The following ABLIM2 variants were observed in gnomAD, a reference collection of about 807,000 sequenced individuals.
ABLIM2 encodes actin binding LIM protein family member 2, also known as actin-binding LIM protein 2.
A neutral mutation model predicts 97.7 loss-of-function variants in ABLIM2; 53 were observed. The observed-to-expected ratio is 0.54, with a 90% CI of 0.44 to 0.68. The LOEUF (loss-of-function observed/expected upper bound fraction) is 0.68. ABLIM2 is among the 30% of genes least tolerant of loss of function. The pLI is 0.00. For missense variants in ABLIM2, 835 were observed against 867.2 expected (o/e 0.96, Z 0.47); for synonymous variants, 361 against 345.8 (o/e 1.04, Z -0.49).
In ABLIM2 at chr4:8,113,043, C is replaced by T. The variant is rs1471806010; in HGVS notation, c.11-6406G>A. Among the ~76,000 whole-genome samples the T allele has an allele frequency of 6.6e-6, 1 of 152,218 alleles. No homozygotes were observed. The highest frequency in any genetic ancestry group is 1.5e-5 in the Non-Finnish European group (1 of 68,036). Reference sequence around the variant, plus strand: ...CAAACTCCTCTTTCTGTCCAGCGAACCAGCTCTCACGACCCAGACAGCAGA... The same window carrying T: ...CAAACTCCTCTTTCTGTCCAGCGAATCAGCTCTCACGACCCAGACAGCAGA... On this transcript the variant is annotated intron_variant, in intron 1 of 20. Transcript: ENST00000447017. The surrounding 1 kb of genome is among the most constrained non-coding windows in gnomAD (Gnocchi z 4.5).
intron 1 of ABLIM2, among the ~76,000 whole-genome samples, chr4:8,137,311 G>GGT (rs1449149140): frequency 6.6e-5 from 10 of 152,200 alleles, no homozygotes; most frequent in Non-Finnish European, 1.0e-4. Flanking sequence ...GGGAGTCCCT[G>GGT]GTCAAGGAAG....
intron 8 of ABLIM2, among the ~76,000 whole-genome samples, chr4:8,047,307 C>G (rs1459356892): frequency 6.6e-6 from 1 of 152,194 alleles, no homozygotes; most frequent in Non-Finnish European, 1.5e-5. Context: ...CCTCTCCATG[C>G]CCCGTGTCTC....
At chr4:8,100,993 C>T (rs952244979) in intron 2 of ABLIM2, among the ~76,000 whole-genome samples, 6 of 152,190 alleles carry the variant, frequency 3.9e-5, no homozygotes, top group African/African-American at 1.4e-4. Context: ...CATGCCTTCA[C>T]ATTTTAAAGA....
chr4:8,070,552 A>C (rs1270816543), intron 6 of ABLIM2, among the ~76,000 whole-genome samples: 1 of 152,092 alleles, frequency 6.6e-6, no homozygotes. Context: ...TCCTGCCCCA[A>C]GACAGACAGG....
intron 4 of ABLIM2, among the ~76,000 whole-genome samples, chr4:8,081,957 C>T (rs1338268225): frequency 1.3e-5 from 2 of 152,086 alleles, no homozygotes; most frequent in Non-Finnish European, 2.9e-5. Context: ...GTGAGTGTGT[C>T]TACGTATGTG....
chr4:8,141,766 T>A (rs2152946085), intron 1 of ABLIM2, among the ~76,000 whole-genome samples: 1 of 152,334 alleles, frequency 6.6e-6, no homozygotes, highest in East Asian at 1.9e-4. Context: ...AGGGCGCCTG[T>A]GAGTTCTAAG....
At chr4:8,006,163 A>G (rs987824391) in intron 16 of ABLIM2, among the ~76,000 whole-genome samples, 7 of 152,190 alleles carry the variant, frequency 4.6e-5, no homozygotes, top group Non-Finnish European at 1.0e-4. Context: ...TGGCATTTTC[A>G]AACGAGGAAG....
At position 8,022,538 on chromosome 4, in the gene ABLIM2, G is replaced by A. The variant is rs1008168322; in HGVS notation, c.1268-2235C>T. The A allele has an allele frequency of 2.6e-5, 4 of 152,540 alleles. No individual in the cohort carries two copies. The highest frequency in any genetic ancestry group is 5.9e-5 in the Non-Finnish European group (4 of 68,256). 9.4% of individuals were successfully genotyped at this position (152,540 alleles called of 1,614,324 possible). A position where few individuals can be genotyped will look rare whatever the true frequency, so the allele number is the denominator to read the frequency against. On this transcript the variant is annotated intron_variant, in intron 12 of 20. Coordinates refer to ENST00000447017, the MANE Select transcript of ABLIM2 (RefSeq NM_001130083.2). The surrounding 1 kb of genome is among the most constrained non-coding windows in gnomAD (Gnocchi z 7.8). ...CCAGGGCCCTCTAACACCAGCCCGA[G>A]TCCTGCCACCTCGGTCCCTCCCTCC... is the stretch of plus-strand genomic sequence containing the variant.
In ABLIM2 at chr4:7,992,661, G is replaced by A. The variant is rs1749800598; in HGVS notation, c.1680+205C>T. ...GGGGCAGGGAGGCAGAGTGGGGAGG[G>A]TGTTGCCCAGGTCTGGTTCGGTCCT... On this transcript the variant is annotated intron_variant, in intron 17 of 20. Coordinates refer to ENST00000447017, the MANE Select transcript of ABLIM2 (RefSeq NM_001130083.2). The surrounding 1 kb of genome is among the most constrained non-coding windows in gnomAD (Gnocchi z 5.7). Among the ~76,000 whole-genome samples, 2 of 152,124 alleles carry A rather than the reference G, an allele frequency of 1.3e-5. No individual in the cohort carries two copies. The highest frequency in any genetic ancestry group is 4.8e-5 in the African/African-American group (2 of 41,412).
chr4:8,065,458 G>C (rs900857101), intron 6 of ABLIM2, among the ~76,000 whole-genome samples: 6 of 152,204 alleles, frequency 3.9e-5, no homozygotes, highest in Admixed American at 1.3e-4. Context: ...AAAGGTGTTG[G>C]TGAGGATGTC....
chr4:8,050,986 T>C (rs1795640372), intron 8 of ABLIM2, among the ~76,000 whole-genome samples: 1 of 152,254 alleles, frequency 6.6e-6, no homozygotes, highest in Non-Finnish European at 1.5e-5. Flanking sequence ...CCTCCTCTGC[T>C]GGCAGCATCC....
intron 11 of ABLIM2, among the ~76,000 whole-genome samples, chr4:8,028,496 C>T (rs1284032634): frequency 6.6e-6 from 1 of 152,046 alleles, no homozygotes; most frequent in Non-Finnish European, 1.5e-5. Flanking sequence ...CTTATTTGCT[C>T]ATTCATTCAA....
rs573843716 is a variant in ABLIM2, at chr4:8,145,295, T to C, written c.10+13385A>G. 7.2e-5 allele frequency among the ~76,000 whole-genome samples: 11 copies of C among 152,166 alleles called. No individual in the cohort carries two copies. In the East Asian group the frequency reaches 2.1e-3, roughly 29 times the overall value. The stretch of plus-strand genomic sequence containing the variant: ...GCCTCCCAGATTCAAGCAATTCTCC[T>C]GCTTCAGCCTCCTGAGTAGCTGGGA... On this transcript the variant is annotated intron_variant, in intron 1 of 20. Transcript: ENST00000447017.
chr4:8,034,247 G>C (rs1346991083), intron 10 of ABLIM2, among the ~76,000 whole-genome samples: 1 of 152,092 alleles, frequency 6.6e-6, no homozygotes, highest in African/African-American at 2.4e-5. Context: ...GTGGTAGGTG[G>C]GTACAGGTGG....
In ABLIM2 at chr4:8,029,646, G is replaced by A. The variant is rs1400588993; in HGVS notation, c.1168+10C>T. The A allele has an allele frequency of 4.0e-6, 6 of 1,514,304 alleles. No homozygotes were observed. The highest frequency in any genetic ancestry group is 4.1e-5 in the Admixed American group (2 of 49,370). The allele number at this position is 1,514,304 out of a possible 1,614,324, so 93.8% of individuals were successfully genotyped here. ...TCCTGGGGGCTCAGAGGAACCAGGG[G>A]GCCAAGTACCTGGACGGCTGTAGTG... On this transcript the variant is annotated intron_variant, in intron 11 of 20. Transcript: ENST00000447017.
At chr4:8,100,702 C>T (rs1210100705) in intron 2 of ABLIM2, among the ~76,000 whole-genome samples, 3 of 147,160 alleles carry the variant, frequency 2.0e-5, no homozygotes, top group East Asian at 4.0e-4. Flanking sequence ...GCCAAGATCG[C>T]GCCACTGCAC....
In ABLIM2 at chr4:7,998,568, C is replaced by T. The variant is rs1157330447; in HGVS notation, c.1619-5641G>A. 4.3e-6 allele frequency: 2 copies of T among 464,796 alleles called. No homozygotes were observed. Among genetic ancestry groups the T allele is most frequent in the Non-Finnish European group, 8.6e-6 (2 of 231,630 alleles). The allele number at this position is 464,796 out of a possible 1,614,324, so 28.8% of individuals were successfully genotyped here. A position where few individuals can be genotyped will look rare whatever the true frequency, so the allele number is the denominator to read the frequency against. On this transcript the variant is annotated intron_variant, in intron 16 of 20. Coordinates refer to ENST00000447017, the MANE Select transcript of ABLIM2 (RefSeq NM_001130083.2). This position sits in a 1 kb window ranked among gnomAD's most constrained non-coding sequence, Gnocchi z 6.4. ...ATGCCTGCCACGGGTGGAGACCATGCCCCTGGGTTCACTCCCAGGACTGCG... is the reference window on the plus strand; with the variant it reads ...ATGCCTGCCACGGGTGGAGACCATGTCCCTGGGTTCACTCCCAGGACTGCG...
At chr4:7,972,133 C>T (rs1728606020) in intron 20 of ABLIM2, among the ~76,000 whole-genome samples, 1 of 152,196 alleles carries the variant, frequency 6.6e-6, no homozygotes, top group Non-Finnish European at 1.5e-5. Flanking sequence ...ATTGCCCCTC[C>T]AGGAGAGCCT....
chr4:8,078,274 A>G (rs1299265062), intron 5 of ABLIM2, among the ~76,000 whole-genome samples: 1 of 152,206 alleles, frequency 6.6e-6, no homozygotes, highest in Non-Finnish European at 1.5e-5. Flanking sequence ...ACACTTGGAG[A>G]GGCCTGGCCT....
Sources: allele counts gnomAD v4.1 joint callset (sites outside exome capture counted in the v4.1 genomes callset), GRCh38; gene constraint gnomAD v4.1.1; non-coding constraint Gnocchi (gnomAD v3.1); transcripts MANE v1.5; gene names NCBI Gene and HGNC (gene_info 2026-07-23, HGNC 2026-07-21).